The following OSBPL3 variants were observed in gnomAD, a reference collection of about 807,000 sequenced individuals.
OSBPL3 encodes the protein oxysterol-binding protein-related protein 3.
Under a neutral mutation model 120.1 loss-of-function variants are expected in OSBPL3, and 65 were observed. That is an observed-to-expected ratio of 0.54 (90% CI 0.44 to 0.67). The LOEUF (loss-of-function observed/expected upper bound fraction) is 0.67, where lower values mean the gene tolerates loss of function less well. OSBPL3 is among the 30% of genes least tolerant of loss of function. The pLI, the probability that OSBPL3 is intolerant of heterozygous loss-of-function variation, is 0.00. For synonymous variants in OSBPL3, 416 were observed against 402.6 expected, an observed-to-expected ratio of 1.03 and a Z score of -0.40; for missense variants, 1,004 against 1,082.1, an observed-to-expected ratio of 0.93 and a Z score of 1.01.
intron 1 of OSBPL3, 32 bp from the exon 2 acceptor site, chr7:24,892,653 G>A: frequency 4.5e-6 from 6 of 1,324,394 alleles, no homozygotes; most frequent in Non-Finnish European, 5.8e-6. Context: ...GAAGGTCAGA[G>A]GCATCAGATA....
intron 10 of OSBPL3, 107 bp downstream of exon 10, chr7:24,861,506 G>A (rs1430203779): frequency 1.5e-6 from 1 of 669,830 alleles, no homozygotes; most frequent in African/African-American, 1.8e-5. Flanking sequence ...AATCTTAATA[G>A]AGCAGAAAAT....
At chr7:24,886,215 G>A (rs6946141) in intron 2 of OSBPL3, among the ~76,000 whole-genome samples, 98,065 of 151,980 alleles carry the variant, frequency 0.65, 32,422 homozygotes, top group East Asian at 0.91. Flanking sequence ...TCCAAATTTC[G>A]CAGCTAAAAA....
At chr7:24,809,749 TG>T (rs1035942480) in intron 20 of OSBPL3, 57 bp downstream of exon 20, 2 of 1,553,710 alleles carry the variant, frequency 1.3e-6, no homozygotes, top group African/African-American at 2.7e-5. Flanking sequence ...TGGCTTCTTG[TG>T]TCATGCCCAC....
chr7:24,929,172 G>T (rs1057011161), intron 1 of OSBPL3, among the ~76,000 whole-genome samples: 1 of 152,194 alleles, frequency 6.6e-6, no homozygotes, highest in Non-Finnish European at 1.5e-5. Flanking sequence ...TTACATTTTA[G>T]TCATGCTGAT....
chr7:24,804,227 G>C lies in OSBPL3; in HGVS notation c.2567+88C>G, dbSNP rs1161746088. The C allele has an allele frequency of 6.8e-7, 1 of 1,479,470 alleles. No individual in the cohort carries two copies. 91.6% of individuals were successfully genotyped at this position (1,479,470 alleles called of 1,614,324 possible). A position where few individuals can be genotyped will look rare whatever the true frequency, so the allele number is the denominator to read the frequency against. On this transcript the variant is annotated intron_variant, in intron 22 of 22. Coordinates refer to ENST00000313367, the MANE Select transcript of OSBPL3 (RefSeq NM_015550.4). The surrounding 1 kb of genome is among the most constrained non-coding windows in gnomAD (Gnocchi z 5.4). ...AAGCCTGGAGAATGCTCTTATCTGG[G>C]GACAGTACTGTTCACTTTCTGCAAA...
rs1796424180 is a variant in OSBPL3, at chr7:24,831,986, T to C, written c.1747-1081A>G. Among the ~76,000 whole-genome samples, 1 of 151,262 alleles carries C rather than the reference T, an allele frequency of 6.6e-6. No homozygotes were observed. The highest frequency in any genetic ancestry group is 6.6e-5 in the Admixed American group (1 of 15,212). On this transcript the variant is annotated intron_variant, in intron 15 of 22. Coordinates refer to ENST00000313367, the MANE Select transcript of OSBPL3 (RefSeq NM_015550.4). This position sits in a 1 kb window ranked among gnomAD's most constrained non-coding sequence, Gnocchi z 4.0. Reference sequence around the variant, plus strand: ...GGAGACCGAGGCAGGTGGATCTGCTTGAGCCCAAGAGTTCAAGACCAGCCT... The same window carrying C: ...GGAGACCGAGGCAGGTGGATCTGCTCGAGCCCAAGAGTTCAAGACCAGCCT...
rs1816625716 is a variant in OSBPL3 at position 24,968,406 on chromosome 7, G to T, written c.-150+11480C>A. Among the ~76,000 whole-genome samples the T allele has an allele frequency of 6.6e-6, 1 of 151,650 alleles. No individual in the cohort carries two copies. The highest frequency in any genetic ancestry group is 6.6e-5 in the Admixed American group (1 of 15,232). On this transcript the variant is annotated intron_variant, in intron 1 of 22. Transcript: ENST00000313367. The surrounding 1 kb of genome is among the most constrained non-coding windows in gnomAD (Gnocchi z 4.6). The stretch of plus-strand genomic sequence containing the variant: ...CTGGCTTCAGCACACCAGTTTTTTT[G>T]TTTTTTTTGAGTCGGAGTCTCCCTC...
At chr7:24,931,756 GA>G (rs374913343) in intron 1 of OSBPL3, among the ~76,000 whole-genome samples, 9 of 143,576 alleles carry the variant, frequency 6.3e-5, no homozygotes, top group African/African-American at 1.3e-4. Context: ...TTTCCTAAAA[GA>G]AAAAAAAAAG....
chr7:24,939,385 G>A lies in OSBPL3; in HGVS notation c.-150+40501C>T, dbSNP rs573840967. Reference sequence around the variant, plus strand: ...CTTGGGCTCCTCCCCAACCCCAGCTGTAAATCCTGACAATTCTAAACCTAT... The same window carrying A: ...CTTGGGCTCCTCCCCAACCCCAGCTATAAATCCTGACAATTCTAAACCTAT... On this transcript the variant is annotated intron_variant, in intron 1 of 22. Coordinates refer to ENST00000313367, the MANE Select transcript of OSBPL3 (RefSeq NM_015550.4). The surrounding 1 kb of genome is among the most constrained non-coding windows in gnomAD (Gnocchi z 4.2). 2.0e-5 allele frequency among the ~76,000 whole-genome samples: 3 copies of A among 152,316 alleles called. No homozygotes were observed. The highest frequency in any genetic ancestry group is 2.1e-4 in the South Asian group (1 of 4,820).
At position 24,967,711 on chromosome 7, in the gene OSBPL3, C is replaced by T. The variant is rs1816546660; in HGVS notation, c.-150+12175G>A. 6.6e-6 allele frequency among the ~76,000 whole-genome samples: 1 copy of T among 152,170 alleles called. No homozygotes were observed. Among genetic ancestry groups the T allele is most frequent in the African/African-American group, 2.4e-5 (1 of 41,446 alleles). On this transcript the variant is annotated intron_variant, in intron 1 of 22. Coordinates refer to ENST00000313367, the MANE Select transcript of OSBPL3 (RefSeq NM_015550.4). This position sits in a 1 kb window ranked among gnomAD's most constrained non-coding sequence, Gnocchi z 5.6. ...CTCTTGGCTTACCTTCCCCAAGGTA[C>T]TACAGGCTTCCCCCTTTCTCTCCTG... is the stretch of plus-strand genomic sequence containing the variant.
intron 1 of OSBPL3, among the ~76,000 whole-genome samples, chr7:24,901,022 A>G (rs1409728747): frequency 2.1e-5 from 1 of 47,278 alleles, no homozygotes; most frequent in Non-Finnish European, 4.4e-5. Flanking sequence ...CCTTGTCTCG[A>G]AAAAAAAAAA....
At chr7:24,927,614 G>C (rs751725583) in intron 1 of OSBPL3, among the ~76,000 whole-genome samples, 27 of 152,188 alleles carry the variant, frequency 1.8e-4, no homozygotes, top group Non-Finnish European at 3.5e-4. Context: ...ATGTGTATGG[G>C]TGGATTGTTC....
intron 1 of OSBPL3, among the ~76,000 whole-genome samples, chr7:24,934,566 G>A (rs766652980): frequency 2.6e-5 from 4 of 152,176 alleles, no homozygotes; most frequent in African/African-American, 4.8e-5. Context: ...AGTCTATCAT[G>A]CAAGCTGATC....
At chr7:24,814,971 G>A (rs1346598919) in intron 19 of OSBPL3, 88 bp downstream of exon 19, 21 of 1,347,632 alleles carry the variant, frequency 1.6e-5, no homozygotes, top group East Asian at 6.9e-5. Flanking sequence ...AGGTGAAGGC[G>A]AAAAATCTCT....
chr7:24,950,614 T>A (rs192034637), intron 1 of OSBPL3, among the ~76,000 whole-genome samples: 3 of 152,280 alleles, frequency 2.0e-5, no homozygotes, highest in Non-Finnish European at 4.4e-5. Context: ...CCCAGCTACT[T>A]GGGCGGCTGA....
chr7:24,923,381 T>C (rs960960236), intron 1 of OSBPL3, among the ~76,000 whole-genome samples: 4 of 152,238 alleles, frequency 2.6e-5, no homozygotes, highest in African/African-American at 7.2e-5. Context: ...GGGTAGCCAC[T>C]GTGCTGACCT....
At chr7:24,906,389 A>G (rs1807920606) in intron 1 of OSBPL3, 1 of 264,656 alleles carries the variant, frequency 3.8e-6, no homozygotes, top group Non-Finnish European at 7.7e-6. Context: ...CCTGCTGGGG[A>G]GAGGCAGAGA....
In OSBPL3 at chr7:24,873,553, GC is replaced by G. The variant is rs1420725125; in HGVS notation, c.97-1485del. Among the ~76,000 whole-genome samples the G allele has an allele frequency of 1.3e-5, 2 of 151,880 alleles. No individual in the cohort carries two copies. The highest frequency in any genetic ancestry group is 2.9e-5 in the Non-Finnish European group (2 of 67,948). On this transcript the variant is annotated intron_variant, in intron 2 of 22. Transcript: ENST00000313367. The surrounding 1 kb of genome is among the most constrained non-coding windows in gnomAD (Gnocchi z 4.1). ...AAAAAGACTTCTTCAATGGAAAAAAGCAAAGCTTCGAAAAAAGATCCAGCTT... is the reference window on the plus strand; with the variant it reads ...AAAAAGACTTCTTCAATGGAAAAAAGAAAGCTTCGAAAAAAGATCCAGCTT...
chr7:24,841,905 T>C (rs1797820457), intron 13 of OSBPL3, among the ~76,000 whole-genome samples: 1 of 151,278 alleles, frequency 6.6e-6, no homozygotes, highest in Non-Finnish European at 1.5e-5. Context: ...CCCAGCTACC[T>C]GGTAGGCTGA....
Sources: allele counts gnomAD v4.1 joint callset (sites outside exome capture counted in the v4.1 genomes callset), GRCh38; gene constraint gnomAD v4.1.1; non-coding constraint Gnocchi (gnomAD v3.1); transcripts MANE v1.5; gene names NCBI Gene and HGNC (gene_info 2026-07-23, HGNC 2026-07-21).